Variants in TRIP12 observed in about 807,000 individuals in gnomAD.
The protein encoded by TRIP12 is thyroid hormone receptor interactor 12.
Under a neutral mutation model 244.2 loss-of-function variants are expected in TRIP12, and 25 were observed. The observed-to-expected ratio is 0.10, with a 90% CI of 0.07 to 0.14. The LOEUF is 0.14. Among genes scored for constraint, TRIP12 ranks in the 10% least tolerant of loss-of-function variants. The pLI, the probability that TRIP12 is intolerant of heterozygous loss-of-function variation, is 1.00. For synonymous variants in TRIP12, 905 were observed against 873.1 expected (o/e 1.04, Z -0.64); for missense variants, 1,677 against 2,486.4 (o/e 0.67, Z 6.92).
chr2:229,816,009 T>G (rs909211106), intron 9 of TRIP12, among the ~76,000 whole-genome samples: 3 of 152,164 alleles, frequency 2.0e-5, no homozygotes, highest in Admixed American at 6.5e-5. Context: ...GGATACACAC[T>G]CTGTCCTCTC....
chr2:229,850,980 A>C (rs1490975305), intron 4 of TRIP12, among the ~76,000 whole-genome samples: 1 of 152,182 alleles, frequency 6.6e-6, no homozygotes, highest in Non-Finnish European at 1.5e-5. Flanking sequence ...AGAGCAGCCC[A>C]CCATGGCTGA....
intron 1 of TRIP12, among the ~76,000 whole-genome samples, chr2:229,893,188 C>T (rs2067822972): frequency 6.6e-6 from 1 of 152,214 alleles, no homozygotes; most frequent in Non-Finnish European, 1.5e-5. Flanking sequence ...TCCTCATTTA[C>T]GTACCCCTGT....
Position 229,821,704 on chromosome 2 carries a change from G to A in TRIP12, c.1451-3192C>T, listed in dbSNP as rs556246825. Among the ~76,000 whole-genome samples the A allele has an allele frequency of 1.9e-4, 29 of 152,228 alleles. 1 individual carries two copies. The highest frequency in any genetic ancestry group is 3.1e-4 in the Non-Finnish European group (21 of 68,022). On this transcript the variant is annotated intron_variant, in intron 8 of 41. Coordinates refer to ENST00000675903, the MANE Select transcript of TRIP12 (RefSeq NM_001348323.3). ...AGGTAGTATAAAAACAAGCAGGAGC[G>A]TGGATTTGGCCCTTGGGCAGTAGTT...
intron 4 of TRIP12, among the ~76,000 whole-genome samples, chr2:229,857,956 A>C (rs1329128350): frequency 1.3e-5 from 2 of 152,208 alleles, no homozygotes; most frequent in Non-Finnish European, 2.9e-5. Context: ...CTTTAGACAA[A>C]ACTCCTTAAA....
At chr2:229,903,010 CT>C (rs796575993) in intron 1 of TRIP12, among the ~76,000 whole-genome samples, 6 of 25,680 alleles carry the variant, frequency 2.3e-4, no homozygotes, top group South Asian at 3.6e-3. Context: ...TTTTCTTTTT[CT>C]TTTTTTCTTT....
intron 2 of TRIP12, among the ~76,000 whole-genome samples, chr2:229,862,618 C>G (rs917667713): frequency 2.0e-5 from 3 of 152,158 alleles, no homozygotes; most frequent in Admixed American, 1.3e-4. Context: ...AGCTAGACAA[C>G]TTTGTGAAAA....
In TRIP12 at chr2:229,867,170, TG is replaced by T. The variant is rs1294760702; in HGVS notation, c.99-6640del. Among the ~76,000 whole-genome samples, 86 of 68,904 alleles carry T rather than the reference TG, an allele frequency of 1.2e-3. 3 individuals carry two copies. Among genetic ancestry groups the T allele is most frequent in the African/African-American group, 2.4e-3 (64 of 26,908 alleles). The allele number at this position is 68,904 out of a possible 152,430, so 45.2% of individuals were successfully genotyped here. On this transcript the variant is annotated intron_variant, in intron 2 of 41. Transcript: ENST00000675903. ...GAAGGTTTTTTTTTGTTTGTTTGTT[TG>T]TTTTTTTTTTTTGAGACAGATACTC...
At chr2:229,888,724 G>A (rs1466897759) in intron 1 of TRIP12, among the ~76,000 whole-genome samples, 4 of 152,066 alleles carry the variant, frequency 2.6e-5, no homozygotes, top group African/African-American at 7.2e-5. Context: ...GACTGCTTGA[G>A]CCCAGGATGC....
intron 4 of TRIP12, among the ~76,000 whole-genome samples, chr2:229,856,677 A>G (rs984202111): frequency 2.8e-5 from 4 of 143,492 alleles, no homozygotes; most frequent in African/African-American, 1.2e-4. Context: ...GGCTGTGAAT[A>G]TTACATAGCA....
intron 5 of TRIP12, 105 bp downstream of exon 5, chr2:229,840,708 AAAACAAAAC>A (rs1211946642): frequency 4.2e-5 from 34 of 818,214 alleles, no homozygotes; most frequent in Non-Finnish European, 5.9e-5. Flanking sequence ...GTCAAAAAAC[AAAACAAAAC>A]AAACAAAACA....
chr2:229,770,099 T>C (rs989078877), intron 39 of TRIP12, among the ~76,000 whole-genome samples: 1 of 152,166 alleles, frequency 6.6e-6, no homozygotes, highest in African/African-American at 2.4e-5. Flanking sequence ...GCCTTCCAAG[T>C]AGCTGAGACT....
intron 39 of TRIP12, among the ~76,000 whole-genome samples, chr2:229,770,976 T>G (rs2034089917): frequency 6.6e-6 from 1 of 152,224 alleles, no homozygotes; most frequent in South Asian, 2.1e-4. Context: ...TATGTCTTTA[T>G]CAGCAGCATG....
At chr2:229,870,375 T>G (rs2062336703) in intron 2 of TRIP12, among the ~76,000 whole-genome samples, 1 of 152,204 alleles carries the variant, frequency 6.6e-6, no homozygotes, top group Non-Finnish European at 1.5e-5. Context: ...GAGATCTGCC[T>G]GGATGGACAT....
At position 229,888,759 on chromosome 2, in the gene TRIP12, C is replaced by T. The variant is rs553258310; in HGVS notation, c.-49-8631G>A. On this transcript the variant is annotated intron_variant, in intron 1 of 41. Transcript: ENST00000675903. ...CGGAGGTTGCAGCGAGCCAAGATTG[C>T]GCCACTGCTCTCCAGCCTGGGGGAC... Among the ~76,000 whole-genome samples the T allele has an allele frequency of 2.0e-3, 300 of 152,020 alleles. 1 individual carries two copies. The highest frequency in any genetic ancestry group is 5.8e-3 in the African/African-American group (240 of 41,464).
chr2:229,805,644 T>C (rs1247697845), intron 18 of TRIP12, 86 bp downstream of exon 18: 3 of 1,286,104 alleles, frequency 2.3e-6, no homozygotes, highest in Admixed American at 4.9e-5. Flanking sequence ...CTTAAAAAGA[T>C]ACTTAATAAG....
chr2:229,922,500 G>A (rs2076751411), upstream of TRIP12: 2 of 1,613,770 alleles, frequency 1.2e-6, no homozygotes, highest in African/African-American at 1.3e-5. Flanking sequence ...TAGCGACGGC[G>A]GTGGCGTCCC....
chr2:229,917,819 T>C (rs1322363302), intron 1 of TRIP12, among the ~76,000 whole-genome samples: 1 of 152,172 alleles, frequency 6.6e-6, no homozygotes, highest in Non-Finnish European at 1.5e-5. Flanking sequence ...GCCTCCAAAG[T>C]TGCCTAGAAC....
At chr2:229,804,300 A>C in intron 18 of TRIP12, 73 bp from the exon 19 acceptor site, 2 of 1,299,744 alleles carry the variant, frequency 1.5e-6, no homozygotes, top group African/African-American at 1.5e-5. Context: ...ACAATATAAA[A>C]TACTCAAGCC....
rs1310295158 is a variant in TRIP12, at chr2:229,858,932, C to G, written c.867G>C (p.Arg289Ser). The G allele has an allele frequency of 1.9e-6, 3 of 1,614,162 alleles. No homozygotes were observed. The African/African-American group carries it at 4.0e-5, about 22-fold the overall frequency. Residue 289 changes from arginine (R) to serine (S), a missense_variant, in exon 4 of 42, where the codon AGG becomes AGC. Around this residue, in one of 11 missense-constraint regions of TRIP12, gnomAD observed 387 missense variants for 392.6 expected, o/e 0.99. Transcript: ENST00000675903. ...CACCAGTTTTACTCTGTTCCTTTTC[C>G]CTGCTACTTCTTCTGGGGCTGGGAC... ...ASSPSPRRSS[R>S]EKEQSKTGGS...
Sources: allele counts gnomAD v4.1 joint callset (sites outside exome capture counted in the v4.1 genomes callset), GRCh38; gene constraint gnomAD v4.1.1; regional missense constraint gnomAD v4.1.1; transcripts MANE v1.5; gene names NCBI Gene and HGNC (gene_info 2026-07-23, HGNC 2026-07-21).